Variants in KIF26B observed in about 807,000 individuals in gnomAD.
KIF26B encodes kinesin-like protein KIF26B.
KIF26B carries 63 observed loss-of-function variants against 151.2 expected under a neutral mutation model. The observed-to-expected ratio is 0.42, with a 90% CI of 0.34 to 0.51. KIF26B has a LOEUF of 0.51. KIF26B is among the 20% of genes least tolerant of loss of function. The probability of loss-of-function intolerance (pLI) is 0.07; values close to 1 mark genes in which losing one functional copy is unlikely to be tolerated. For missense variants in KIF26B, 2,813 were observed against 2,913.6 expected (o/e 0.97, Z 0.79); for synonymous variants, 1,357 against 1,262.1 (o/e 1.08, Z -1.59).
chr1:245,417,466 T>C (rs1177770724), intron 3 of KIF26B, among the ~76,000 whole-genome samples: 1 of 152,208 alleles, frequency 6.6e-6, no homozygotes, highest in Non-Finnish European at 1.5e-5. Flanking sequence ...AAGATGATGA[T>C]GTTGGAAATC....
At chr1:245,224,251 C>T (rs1669831159) in intron 2 of KIF26B, among the ~76,000 whole-genome samples, 1 of 150,636 alleles carries the variant, frequency 6.6e-6, no homozygotes. Flanking sequence ...CGCCACTGCA[C>T]TCCAGCCTGG....
chr1:245,615,752 G>A (rs1020071544), intron 9 of KIF26B, among the ~76,000 whole-genome samples: 38 of 152,316 alleles, frequency 2.5e-4, no homozygotes, highest in African/African-American at 6.7e-4. Context: ...TCGTGCGATC[G>A]GCAGACCTGG....
intron 9 of KIF26B, among the ~76,000 whole-genome samples, chr1:245,617,885 C>T (rs1321824237): frequency 1.3e-5 from 2 of 152,010 alleles, no homozygotes; most frequent in Admixed American, 1.3e-4. Context: ...TCTCCTGGTC[C>T]CTTTACCTCA....
intron 5 of KIF26B, among the ~76,000 whole-genome samples, chr1:245,556,845 A>G (rs911040474): frequency 1.3e-5 from 2 of 152,194 alleles, no homozygotes; most frequent in African/African-American, 4.8e-5. Flanking sequence ...AGCCAAGCAC[A>G]TTAATCTTTA....
At chr1:245,365,229 A>G (rs769709007) in intron 2 of KIF26B, among the ~76,000 whole-genome samples, 12 of 152,032 alleles carry the variant, frequency 7.9e-5, no homozygotes, top group African/African-American at 1.7e-4. Flanking sequence ...CAGGCCTCAT[A>G]TGGTTTGCAT....
At chr1:245,462,006 G>A (rs1036590549) in intron 4 of KIF26B, among the ~76,000 whole-genome samples, 5 of 152,116 alleles carry the variant, frequency 3.3e-5, no homozygotes, top group Non-Finnish European at 5.9e-5. Flanking sequence ...GGTGGTGCAT[G>A]CCTGTAGTCC....
chr1:245,391,617 C>T (rs1411037670), intron 3 of KIF26B, among the ~76,000 whole-genome samples: 2 of 145,088 alleles, frequency 1.4e-5, no homozygotes, highest in Non-Finnish European at 3.0e-5. Context: ...GATCATGCCA[C>T]GGCACTCCAG....
chr1:245,518,398 T>C (rs1661017061), intron 4 of KIF26B, among the ~76,000 whole-genome samples: 1 of 152,202 alleles, frequency 6.6e-6, no homozygotes, highest in Admixed American at 6.5e-5. Context: ...TACCTATTTA[T>C]CTTGAGCTGG....
rs779705423 is a variant in KIF26B, at chr1:245,167,518, A to G, written c.465+10835A>G. Among the ~76,000 whole-genome samples, 1 of 152,198 alleles carries G rather than the reference A, an allele frequency of 6.6e-6. No individual in the cohort carries two copies. Among genetic ancestry groups the G allele is most frequent in the Non-Finnish European group, 1.5e-5 (1 of 68,034 alleles). ...CTTCCTCCACCTAACTGGTGGCTTC[A>G]CACAAGAATGGGAGACTCACCTATT... On this transcript the variant is annotated intron_variant, in intron 2 of 14. Transcript: ENST00000407071. The surrounding 1 kb of genome is among the most constrained non-coding windows in gnomAD (Gnocchi z 4.2).
intron 3 of KIF26B, among the ~76,000 whole-genome samples, chr1:245,388,837 G>T (rs1041712332): frequency 1.3e-5 from 2 of 152,180 alleles, no homozygotes; most frequent in African/African-American, 4.8e-5. Flanking sequence ...CCAGCCCAAG[G>T]ACTATTTCAA....
At position 245,292,531 on chromosome 1, in the gene KIF26B, C is replaced by A. The variant is rs1408290710; in HGVS notation, c.466-74303C>A. ...AGGTGCTTCACCTGCCTCTACTTCC[C>A]CCTTGCCCATATTCCCCCCATTGGG... On this transcript the variant is annotated intron_variant, in intron 2 of 14. Coordinates refer to ENST00000407071, the MANE Select transcript of KIF26B (RefSeq NM_018012.4). 1.3e-5 allele frequency among the ~76,000 whole-genome samples: 2 copies of A among 152,150 alleles called. 1 individual carries two copies. The highest frequency in any genetic ancestry group is 4.1e-4 in the South Asian group (2 of 4,826).
At chr1:245,305,688 C>T (rs1201841132) in intron 2 of KIF26B, among the ~76,000 whole-genome samples, 1 of 152,080 alleles carries the variant, frequency 6.6e-6, no homozygotes, top group Non-Finnish European at 1.5e-5. Flanking sequence ...CCTGTAATCC[C>T]AGCACTTTGG....
intron 10 of KIF26B, among the ~76,000 whole-genome samples, chr1:245,661,098 T>C (rs780727415): frequency 6.6e-6 from 1 of 151,872 alleles, no homozygotes; most frequent in African/African-American, 2.4e-5. Flanking sequence ...GTGATTCTCC[T>C]GCCTCAGCCC....
At chr1:245,251,416 A>G (rs796139132) in intron 2 of KIF26B, among the ~76,000 whole-genome samples, 16 of 152,150 alleles carry the variant, frequency 1.1e-4, no homozygotes, top group African/African-American at 3.9e-4. Flanking sequence ...ATCTGTGTTT[A>G]TATTGTCTTT....
At chr1:245,341,672 T>TAGGGAAA (rs1489224998) in intron 2 of KIF26B, among the ~76,000 whole-genome samples, 1 of 152,184 alleles carries the variant, frequency 6.6e-6, no homozygotes, top group Non-Finnish European at 1.5e-5. Context: ...GAGAAACTTG[T>TAGGGAAA]AGGGAAACAA....
chr1:245,419,964 G>C (rs1658439182), intron 4 of KIF26B, among the ~76,000 whole-genome samples: 1 of 152,126 alleles, frequency 6.6e-6, no homozygotes, highest in African/African-American at 2.4e-5. Context: ...CAGCATCCTT[G>C]GCCTGTACCC....
intron 9 of KIF26B, among the ~76,000 whole-genome samples, chr1:245,640,594 T>C (rs970777516): frequency 6.6e-6 from 1 of 152,088 alleles, no homozygotes; most frequent in Non-Finnish European, 1.5e-5. Context: ...ACCTCCTTAC[T>C]TCCTTTCTTA....
chr1:245,394,696 T>TC (rs1213902544), intron 3 of KIF26B, among the ~76,000 whole-genome samples: 40 of 147,158 alleles, frequency 2.7e-4, no homozygotes, highest in African/African-American at 1.0e-3. Context: ...TTCTTTTTTT[T>TC]TTTTTTTTTT....
At chr1:245,200,569 C>T (rs1669279569) in intron 2 of KIF26B, among the ~76,000 whole-genome samples, 1 of 152,178 alleles carries the variant, frequency 6.6e-6, no homozygotes, top group South Asian at 2.1e-4. Context: ...GTATCTCTTT[C>T]CCCTTTGAGA....
Sources: allele counts gnomAD v4.1 joint callset (sites outside exome capture counted in the v4.1 genomes callset), GRCh38; gene constraint gnomAD v4.1.1; non-coding constraint Gnocchi (gnomAD v3.1); transcripts MANE v1.5; gene names NCBI Gene and HGNC (gene_info 2026-07-23, HGNC 2026-07-21).